CTNNA3: variants seen among roughly 807,000 people sequenced by gnomAD.
CTNNA3 encodes the protein catenin alpha-3.
CTNNA3 carries 76 observed loss-of-function variants against 95.7 expected under a neutral mutation model. The ratio of observed to expected loss-of-function variants is 0.79; its 90% CI spans 0.66 to 0.96. CTNNA3 has a LOEUF of 0.96. Among genes scored for constraint, CTNNA3 ranks in the 40% least tolerant of loss-of-function variants. The pLI is 0.00. For missense variants in CTNNA3, 1,191 were observed against 1,089.8 expected (o/e 1.09, Z -1.31); for synonymous variants, 431 against 374.4 (o/e 1.15, Z -1.74).
intron 13 of CTNNA3, among the ~76,000 whole-genome samples, chr10:66,172,104 A>G (rs1293279292): frequency 1.3e-5 from 2 of 152,088 alleles, no homozygotes; most frequent in Non-Finnish European, 1.5e-5. Flanking sequence ...CCTGAATTAC[A>G]TGTATCCCTT....
intron 17 of CTNNA3, among the ~76,000 whole-genome samples, chr10:65,964,577 CA>C (rs2077918460): frequency 6.6e-6 from 1 of 152,012 alleles, no homozygotes; most frequent in South Asian, 2.1e-4. Context: ...TAATTAACAC[CA>C]ATATATTTTA....
intron 7 of CTNNA3, among the ~76,000 whole-genome samples, chr10:66,883,669 T>C (rs964560652): frequency 1.3e-5 from 2 of 152,178 alleles, no homozygotes; most frequent in Admixed American, 6.6e-5. Flanking sequence ...AATTATTAAA[T>C]GGCAGAGCTA....
intron 12 of CTNNA3, among the ~76,000 whole-genome samples, chr10:66,315,970 T>A (rs1156276836): frequency 1.3e-5 from 2 of 152,086 alleles, no homozygotes; most frequent in African/African-American, 4.8e-5. Context: ...TATTGATAGG[T>A]TCTTGAAAAC....
chr10:66,097,742 G>A (rs2081454071), intron 14 of CTNNA3, among the ~76,000 whole-genome samples: 1 of 152,062 alleles, frequency 6.6e-6, no homozygotes, highest in African/African-American at 2.4e-5. Context: ...TTTGAGGAAC[G>A]TTCAGCTGCC....
chr10:66,745,384 C>A (rs1159919052), intron 9 of CTNNA3, among the ~76,000 whole-genome samples: 1 of 152,274 alleles, frequency 6.6e-6, no homozygotes, highest in African/African-American at 2.4e-5. Flanking sequence ...CTGGTATTAA[C>A]TCTACCATTT....
chr10:67,301,047 G>A (rs907825301), intron 5 of CTNNA3, among the ~76,000 whole-genome samples: 1 of 152,148 alleles, frequency 6.6e-6, no homozygotes, highest in East Asian at 1.9e-4. Context: ...TTTATACACT[G>A]AGTAGCCAAA....
intron 12 of CTNNA3, among the ~76,000 whole-genome samples, chr10:66,327,754 A>T (rs1461141383): frequency 2.0e-5 from 3 of 152,054 alleles, no homozygotes; most frequent in Non-Finnish European, 1.5e-5. Context: ...AAGAATTGTG[A>T]TTGGCTTTTA....
intron 7 of CTNNA3, among the ~76,000 whole-genome samples, chr10:67,056,875 A>C (rs150768649): frequency 6.6e-6 from 1 of 152,180 alleles, no homozygotes. Flanking sequence ...GGTTACATCA[A>C]TATCAAGTGA....
intron 7 of CTNNA3, among the ~76,000 whole-genome samples, chr10:66,900,395 T>A (rs1347261838): frequency 6.6e-6 from 1 of 152,006 alleles, no homozygotes; most frequent in Non-Finnish European, 1.5e-5. Context: ...CAAAGGTAGA[T>A]AAAACCACAA....
intron 6 of CTNNA3, among the ~76,000 whole-genome samples, chr10:67,181,286 G>C (rs1359169393): frequency 6.6e-6 from 1 of 152,066 alleles, no homozygotes; most frequent in Non-Finnish European, 1.5e-5. Context: ...ACCTGACACG[G>C]TATTTTTAAG....
chr10:67,025,669 A>G (rs1853325027), intron 7 of CTNNA3, among the ~76,000 whole-genome samples: 1 of 152,172 alleles, frequency 6.6e-6, no homozygotes, highest in South Asian at 2.1e-4. Flanking sequence ...AGTACTATAT[A>G]AGTACTATAT....
chr10:66,833,859 A>G (rs1842806279), intron 7 of CTNNA3, among the ~76,000 whole-genome samples: 1 of 152,188 alleles, frequency 6.6e-6, no homozygotes, highest in Non-Finnish European at 1.5e-5. Flanking sequence ...CAAGTATTGT[A>G]AACACACACA....
rs139338042 is a variant in CTNNA3 at position 67,396,879 on chromosome 10, G to A, written c.579+124963C>T. Among the ~76,000 whole-genome samples the A allele has an allele frequency of 4.4e-3, 664 of 152,156 alleles. 1 individual carries two copies. Among genetic ancestry groups the A allele is most frequent in the Non-Finnish European group, 6.2e-3 (420 of 67,992 alleles). Reference sequence around the variant, plus strand: ...ATGGTTTTATAAGGGGCTTTCCCCCGTTTTGATTGGACTTCTCCTTCCTGG... The same window carrying A: ...ATGGTTTTATAAGGGGCTTTCCCCCATTTTGATTGGACTTCTCCTTCCTGG... On this transcript the variant is annotated intron_variant, in intron 5 of 17. Transcript: ENST00000433211.
At chr10:66,363,705 T>G (rs1226393623) in intron 12 of CTNNA3, among the ~76,000 whole-genome samples, 2 of 152,220 alleles carry the variant, frequency 1.3e-5, no homozygotes, top group African/African-American at 2.4e-5. Context: ...AATCTCAGTA[T>G]TGGTTGTTTT....
intron 7 of CTNNA3, chr10:66,925,980 T>A (rs1847044626): frequency 4.4e-6 from 2 of 456,672 alleles, no homozygotes; most frequent in Non-Finnish European, 8.8e-6. Flanking sequence ...ATGCCCATAA[T>A]GTTCTTCACC....
chr10:67,479,464 A>G (rs371674099), intron 5 of CTNNA3, among the ~76,000 whole-genome samples: 32 of 152,174 alleles, frequency 2.1e-4, no homozygotes, highest in East Asian at 1.9e-3. Flanking sequence ...AAAACCACAC[A>G]AGTATATTAA....
chr10:67,285,635 G>T (rs1002005777), intron 5 of CTNNA3, among the ~76,000 whole-genome samples: 1 of 152,120 alleles, frequency 6.6e-6, no homozygotes, highest in Non-Finnish European at 1.5e-5. Context: ...TTGTAAACAG[G>T]AAAGTACATA....
chr10:67,716,591 G>T (rs1841144879), intron 1 of CTNNA3, among the ~76,000 whole-genome samples: 2 of 152,102 alleles, frequency 1.3e-5, no homozygotes, highest in African/African-American at 4.8e-5. Context: ...CTGTTCCTGT[G>T]TTAGTTTGCT....
chr10:66,178,511 A>G (rs2131849968), intron 13 of CTNNA3, among the ~76,000 whole-genome samples: 1 of 148,898 alleles, frequency 6.7e-6, no homozygotes, highest in South Asian at 2.1e-4. Context: ...ACCCCTTAAG[A>G]GTTCTTAAAC....
Sources: allele counts gnomAD v4.1 joint callset (sites outside exome capture counted in the v4.1 genomes callset), GRCh38; gene constraint gnomAD v4.1.1; transcripts MANE v1.5; gene names NCBI Gene and HGNC (gene_info 2026-07-23, HGNC 2026-07-21).